Variants in MSL1 observed in about 807,000 individuals in gnomAD.
MSL1 encodes the protein MSL complex subunit 1.
Under a neutral mutation model 64.6 loss-of-function variants are expected in MSL1, and 21 were observed. The ratio of observed to expected loss-of-function variants is 0.33; its 90% CI spans 0.23 to 0.47. MSL1 has a LOEUF of 0.47. Among genes scored for constraint, MSL1 ranks in the 20% least tolerant of loss-of-function variants. The pLI is 1.00. For synonymous variants in MSL1, 339 were observed against 329.6 expected (o/e 1.03, Z -0.31); for missense variants, 664 against 793.2 (o/e 0.84, Z 1.96).
Position 40,134,334 on chromosome 17 carries a change from A to G in MSL1, c.1810A>G (p.Lys604Glu). Residue 604 changes from lysine (K) to glutamate (E), a missense_variant, in exon 9 of 9, where the codon AAG (lysine) becomes GAG (glutamate). Lys to Glu is a moderately conservative substitution (Grantham distance 56, BLOSUM62 1). Around this residue, in one of 4 missense-constraint regions of MSL1, gnomAD observed 76 missense variants for 98.5 expected, o/e 0.77. Transcript: ENST00000398532. The part of the protein sequence containing the change: ...ERSRCRLEIQ[K>E]KQTPHRTCRK ...TAGCCGATGCAGATTGGAGATCCAG[A>G]AGAAGCAAACACCTCACCGGACGTG... 1 of 1,557,438 alleles carries G rather than the reference A, an allele frequency of 6.4e-7. No individual in the cohort carries two copies.
chr17:40,128,672 G>A (rs1312329712), intron 2 of MSL1, among the ~76,000 whole-genome samples: 1 of 151,482 alleles, frequency 6.6e-6, no homozygotes, highest in Non-Finnish European at 1.5e-5. Context: ...GTGAGCCACT[G>A]CGCCTGGTGG....
chr17:40,133,290 A>T, intron 6 of MSL1, 181 bp downstream of exon 6: 1 of 737,792 alleles, frequency 1.4e-6, no homozygotes, highest in Admixed American at 2.9e-5. Context: ...TGCGGTAAAC[A>T]TGTTTGGCCT....
At position 40,123,272 on chromosome 17, in the gene MSL1, C is replaced by T. The variant is rs1233195214; in HGVS notation, c.660C>T (p.Ala220=). The stretch of plus-strand genomic sequence containing the variant: ...GCTCGGGAGCCTCCAGTCAGGCCGC[C>T]TGCCTCAAACAGATCCTTCTGCTGC... ...GGGSGASSQA[A]CLKQILLLQL... is the part of the protein sequence containing the mutation. Residue 220 remains alanine, a synonymous_variant, in exon 1 of 9, where the codon GCC becomes GCT. Coordinates refer to ENST00000398532, the MANE Select transcript of MSL1 (RefSeq NM_001365919.1). The T allele has an allele frequency of 2.0e-6, 3 of 1,535,912 alleles. No homozygotes were observed. Among genetic ancestry groups the T allele is most frequent in the Non-Finnish European group, 2.6e-6 (3 of 1,146,894 alleles).
intron 8 of MSL1, among the ~76,000 whole-genome samples, 175 bp from the exon 9 acceptor site, chr17:40,134,104 T>A (rs1222071481): frequency 6.6e-6 from 1 of 152,212 alleles, no homozygotes; most frequent in Non-Finnish European, 1.5e-5. Context: ...TAGAAATAGA[T>A]GATTCCATCA....
Position 40,122,800 on chromosome 17 carries a change from A to T in MSL1, c.188A>T (p.Gln63Leu). 7.3e-7 allele frequency: 1 copy of T among 1,372,224 alleles called. No homozygotes were observed. The highest frequency in any genetic ancestry group is 9.3e-7 in the Non-Finnish European group (1 of 1,071,800). The allele number at this position is 1,372,224 out of a possible 1,614,324, so 85.0% of individuals were successfully genotyped here. Residue 63 changes from glutamine (Q) to leucine (L), a missense_variant, in exon 1 of 9, where the codon CAG (glutamine) becomes CTG (leucine). By Grantham distance (113) the Gln-to-Leu change is moderately radical. This residue lies in a region of MSL1 where 466 missense variants were observed against 499.0 expected (regional missense o/e 0.93). Coordinates refer to ENST00000398532, the MANE Select transcript of MSL1 (RefSeq NM_001365919.1). This position sits in a 1 kb window ranked among gnomAD's most constrained non-coding sequence, Gnocchi z 4.2. The stretch of plus-strand genomic sequence containing the variant: ...CCGGGGCCCCCGCTGGCCTCCTCCC[A>T]GGGCGGGAGCCCCGCGCCTTCCCCG... ...KEPGPPLASS[Q>L]GGSPAPSPAG...
At chr17:40,128,380 T>C (rs1382072931) in intron 2 of MSL1, among the ~76,000 whole-genome samples, 2 of 145,786 alleles carry the variant, frequency 1.4e-5, no homozygotes, top group Non-Finnish European at 3.0e-5. Flanking sequence ...TTTTTTTTTT[T>C]TTTTTTTTTT....
chr17:40,133,124 G>A lies in MSL1; in HGVS notation c.1556+15G>A. On this transcript the variant is annotated intron_variant, in intron 6 of 8. Coordinates refer to ENST00000398532, the MANE Select transcript of MSL1 (RefSeq NM_001365919.1). Reference sequence around the variant, plus strand: ...AGAAGGAAAAGGTGAGGCCAGAGATGTCCATCCTGGAAACAACTGAGCCCT... The same window carrying A: ...AGAAGGAAAAGGTGAGGCCAGAGATATCCATCCTGGAAACAACTGAGCCCT... 6.3e-7 allele frequency: 1 copy of A among 1,598,358 alleles called. No homozygotes were observed. Among genetic ancestry groups the A allele is most frequent in the Non-Finnish European group, 8.5e-7 (1 of 1,172,144 alleles).
Position 40,131,437 on chromosome 17 carries a change from C to T in MSL1, c.1376-100C>T. The T allele has an allele frequency of 9.5e-7, 1 of 1,052,770 alleles. No individual in the cohort carries two copies. Among genetic ancestry groups the T allele is most frequent in the Non-Finnish European group, 1.4e-6 (1 of 692,594 alleles). 65.2% of individuals were successfully genotyped at this position (1,052,770 alleles called of 1,614,324 possible). ...AAGAACAACTCAAAAAACAAAATGG[C>T]TTCCTAGTGAGAACTTCAGTGATGA... On this transcript the variant is annotated intron_variant, in intron 3 of 8. Transcript: ENST00000398532. This position sits in a 1 kb window ranked among gnomAD's most constrained non-coding sequence, Gnocchi z 4.5.
rs570257816 is a variant in MSL1, at chr17:40,133,184, C to A, written c.1556+75C>A. The A allele has an allele frequency of 1.8e-4, 234 of 1,325,510 alleles. No individual in the cohort carries two copies. The African/African-American group carries it at 3.0e-3, about 17-fold the overall frequency. The allele number at this position is 1,325,510 out of a possible 1,614,324, so 82.1% of individuals were successfully genotyped here. A position where few individuals can be genotyped will look rare whatever the true frequency, so the allele number is the denominator to read the frequency against. ...GACAGAGTATCAGGGAACCTGACCT[C>A]CCTTTTTCATGCTGTGGAGAATCTT... On this transcript the variant is annotated intron_variant, in intron 6 of 8. Coordinates refer to ENST00000398532, the MANE Select transcript of MSL1 (RefSeq NM_001365919.1).
rs986513380 is a variant in MSL1, at chr17:40,134,588, T to C, written c.*219T>C. 8 of 539,344 alleles carry C rather than the reference T, an allele frequency of 1.5e-5. No individual in the cohort carries two copies. The East Asian group carries it at 2.5e-4, about 17-fold the overall frequency. 33.4% of individuals were successfully genotyped at this position (539,344 alleles called of 1,614,324 possible). Reference sequence around the variant, plus strand: ...AGGGTGATTGGGATTTCTTTTCCCTTTTTTGGGAAATGGGCTCTCAAGCTA... The same window carrying C: ...AGGGTGATTGGGATTTCTTTTCCCTCTTTTGGGAAATGGGCTCTCAAGCTA... On this transcript the variant is annotated 3_prime_UTR_variant, in exon 9 of 9. Coordinates refer to ENST00000398532, the MANE Select transcript of MSL1 (RefSeq NM_001365919.1).
intron 5 of MSL1, 56 bp downstream of exon 5, chr17:40,132,154 G>A (rs1988450317): frequency 4.8e-6 from 6 of 1,249,490 alleles, no homozygotes; most frequent in Non-Finnish European, 6.9e-6. Flanking sequence ...AGAATGTGAG[G>A]GTATAACTGG....
chr17:40,123,645 G>A (rs1988246580), intron 1 of MSL1, among the ~76,000 whole-genome samples: 1 of 152,140 alleles, frequency 6.6e-6, no homozygotes, highest in South Asian at 2.1e-4. Context: ...AGCCCCAGAC[G>A]TGTGGGAAAG....
chr17:40,131,566 G>C lies in MSL1; in HGVS notation c.1405G>C (p.Glu469Gln). ...RCLMPSSVAGETSVLAVPSWR... is the reference protein window; with the variant it reads ...RCLMPSSVAGQTSVLAVPSWR... ...TCTGATGCCATCAAGTGTTGCAGGAGAAACTTCAGTCTTGGCTGGTGAGTA... is the reference window on the plus strand; with the variant it reads ...TCTGATGCCATCAAGTGTTGCAGGACAAACTTCAGTCTTGGCTGGTGAGTA... Residue 469 changes from glutamate to glutamine, a missense_variant, in exon 4 of 9, where the codon GAA becomes CAA. Coordinates refer to ENST00000398532, the MANE Select transcript of MSL1 (RefSeq NM_001365919.1). This position sits in a 1 kb window ranked among gnomAD's most constrained non-coding sequence, Gnocchi z 4.5. 1 of 1,613,828 alleles carries C rather than the reference G, an allele frequency of 6.2e-7. No individual in the cohort carries two copies. The highest frequency in any genetic ancestry group is 1.1e-5 in the South Asian group (1 of 91,080).
intron 2 of MSL1, among the ~76,000 whole-genome samples, chr17:40,128,976 T>C (rs1988382169): frequency 6.6e-6 from 1 of 152,024 alleles, no homozygotes; most frequent in South Asian, 2.1e-4. Flanking sequence ...ATCATGCCAC[T>C]GCACTCCAGC....
Position 40,129,605 on chromosome 17 carries a change from A to G in MSL1, c.1353A>G (p.Pro451=). The change falls in exon 3 of 9, where the codon CCA becomes CCG. Residue 451 remains proline, a synonymous_variant. Coordinates refer to ENST00000398532, the MANE Select transcript of MSL1 (RefSeq NM_001365919.1). ...CGTTACCATTACGGGAATCCTCTCCAAAGAAGGAGGAGACTGTAGCAAGTA... is the reference window on the plus strand; with the variant it reads ...CGTTACCATTACGGGAATCCTCTCCGAAGAAGGAGGAGACTGTAGCAAGTA... ...PSPLPLRESS[P]KKEETVARCL... The G allele has an allele frequency of 6.2e-7, 1 of 1,609,264 alleles. No homozygotes were observed. The highest frequency in any genetic ancestry group is 1.7e-5 in the Admixed American group (1 of 59,170).
chr17:40,126,493 A>G (rs1411727656), intron 2 of MSL1, 87 bp downstream of exon 2: 11 of 1,255,468 alleles, frequency 8.8e-6, no homozygotes, highest in Non-Finnish European at 1.1e-5. Context: ...TTTTATAGCA[A>G]TCATAACTTG....
Position 40,133,617 on chromosome 17 carries a change from C to A in MSL1, c.1640C>A (p.Ser547Tyr). Residue 547 changes from serine (S) to tyrosine (Y), a missense_variant, in exon 7 of 9, where the codon TCT becomes TAT. By Grantham distance (144) the Ser-to-Tyr change is moderately radical. Coordinates refer to ENST00000398532, the MANE Select transcript of MSL1 (RefSeq NM_001365919.1). ...TATAAAAAGAAAGGAATTCAGGAAT[C>A]TGAGCCTGAGGTTACCTCATTTTTC... Reference protein sequence around the residue: ...RMYKKKGIQESEPEVTSFFPE... With the variant: ...RMYKKKGIQEYEPEVTSFFPE... 6.2e-7 allele frequency: 1 copy of A among 1,613,616 alleles called. No individual in the cohort carries two copies. The highest frequency in any genetic ancestry group is 1.1e-5 in the South Asian group (1 of 91,030).
intron 3 of MSL1, chr17:40,130,377 CTTTT>C (rs920950174): frequency 6.7e-6 from 1 of 149,242 alleles, no homozygotes; most frequent in South Asian, 2.1e-4. Flanking sequence ...TCTTCATTCC[CTTTT>C]TTTTTTCTTT....
Position 40,134,320 on chromosome 17 carries a change from G to C in MSL1, c.1796G>C (p.Arg599Thr). The change falls in exon 9 of 9, where the codon AGA (arginine) becomes ACA (threonine). Residue 599 changes from arginine (R) to threonine (T), a missense_variant. Arg to Thr is a moderately conservative substitution (Grantham distance 71, BLOSUM62 -1). Transcript: ENST00000398532. The part of the protein sequence containing the change: ...LPWLDERSRC[R>T]LEIQKKQTPH... ...TGGTTGGATGAGCGTAGCCGATGCA[G>C]ATTGGAGATCCAGAAGAAGCAAACA... The C allele has an allele frequency of 6.4e-7, 1 of 1,557,950 alleles. No homozygotes were observed. The highest frequency in any genetic ancestry group is 8.7e-7 in the Non-Finnish European group (1 of 1,150,336).
Sources: gnomAD v4.1 joint callset for allele counts (sites outside exome capture counted in the v4.1 genomes callset) on GRCh38, gnomAD v4.1.1 for gene constraint, gnomAD v4.1.1 regional missense constraint, Gnocchi (gnomAD v3.1) non-coding constraint, MANE v1.5 for transcripts, NCBI Gene and HGNC (gene_info 2026-07-23, HGNC 2026-07-21) for gene names.